Variants in KIF16B observed in about 807,000 individuals in gnomAD.
The protein encoded by KIF16B is kinesin family member 16B, also known as kinesin-like protein KIF16B.
Under a neutral mutation model 156.3 loss-of-function variants are expected in KIF16B, and 98 were observed. The observed-to-expected ratio is 0.63, with a 90% CI of 0.53 to 0.74. The LOEUF is 0.74. KIF16B is among the 30% of genes least tolerant of loss of function. KIF16B has a pLI of 0.00. For synonymous variants in KIF16B, 564 were observed against 583.7 expected (o/e 0.97, Z 0.49); for missense variants, 1,421 against 1,606.5 (o/e 0.88, Z 1.97).
chr20:16,470,122 T>G (rs1264959320), intron 12 of KIF16B, among the ~76,000 whole-genome samples: 1 of 152,124 alleles, frequency 6.6e-6, no homozygotes, highest in Non-Finnish European at 1.5e-5. Context: ...CTATATGACA[T>G]TTTAGAAAAG....
Position 16,312,335 on chromosome 20 carries a change from C to G in KIF16B, c.3795G>C (p.Glu1265Asp), listed in dbSNP as rs935129234. 4 of 1,610,538 alleles carry G rather than the reference C, an allele frequency of 2.5e-6. No homozygotes were observed. In the African/African-American group the frequency reaches 5.3e-5, roughly 22 times the overall value. The change falls in exon 25 of 26, where the codon GAG becomes GAC. Residue 1265 changes from glutamate to aspartate, a missense_variant and splice_region_variant. Glu to Asp is a conservative substitution (Grantham distance 45, BLOSUM62 2). Transcript: ENST00000354981. Reference protein sequence around the residue: ...RVIAERRSHLEKYLRDFFSVM... With the variant: ...RVIAERRSHLDKYLRDFFSVM... ...AGGAAAAACAGCTTAATTCTGTTAC[C>G]TCTAAGTGACTTCGTCTCTCAGCAA...
chr20:16,430,672 T>C (rs2066472990), intron 12 of KIF16B, among the ~76,000 whole-genome samples: 1 of 152,068 alleles, frequency 6.6e-6, no homozygotes, highest in African/African-American at 2.4e-5. Flanking sequence ...TGAAGGTTAT[T>C]GTCTTTGGGA....
rs754670883 is a variant in KIF16B, at chr20:16,506,144, T to C, written c.746A>G (p.His249Arg). The stretch of plus-strand genomic sequence containing the variant: ...CTCACTTCCGGCAAGATCAACCAAG[T>C]GGATCTTACTGACGGTTTCACATGG... ...EMPCETVSKI[H>R]LVDLAGSERA... is the part of the protein sequence containing the mutation. Residue 249 changes from histidine to arginine, a missense_variant, in exon 8 of 26, where the codon CAC (histidine) becomes CGC (arginine). Coordinates refer to ENST00000354981, the MANE Select transcript of KIF16B (RefSeq NM_024704.5). 3.7e-6 allele frequency: 6 copies of C among 1,614,012 alleles called. No homozygotes were observed. Among genetic ancestry groups the C allele is most frequent in the African/African-American group, 1.3e-5 (1 of 74,918 alleles).
intron 12 of KIF16B, among the ~76,000 whole-genome samples, chr20:16,461,691 C>T (rs577499891): frequency 6.6e-6 from 1 of 152,232 alleles, no homozygotes; most frequent in South Asian, 2.1e-4. Context: ...CCCAATTTAA[C>T]ACTTGGAAAT....
chr20:16,444,441 G>A (rs1241504747), intron 12 of KIF16B, among the ~76,000 whole-genome samples: 1 of 151,670 alleles, frequency 6.6e-6, no homozygotes, highest in Admixed American at 6.6e-5. Flanking sequence ...CAATTTCAAT[G>A]CCCATAAAGC....
chr20:16,425,033 C>T (rs2066317804), intron 15 of KIF16B, among the ~76,000 whole-genome samples: 1 of 152,080 alleles, frequency 6.6e-6, no homozygotes, highest in Non-Finnish European at 1.5e-5. Context: ...TACACAAACA[C>T]ACACACGTTT....
chr20:16,434,369 T>A (rs1211347141), intron 12 of KIF16B, among the ~76,000 whole-genome samples: 2 of 152,230 alleles, frequency 1.3e-5, no homozygotes, highest in African/African-American at 4.8e-5. Flanking sequence ...TAATGGTTTA[T>A]GAGAGTAAGC....
intron 15 of KIF16B, among the ~76,000 whole-genome samples, chr20:16,408,482 T>A (rs2065841513): frequency 6.6e-6 from 1 of 152,180 alleles, no homozygotes; most frequent in Admixed American, 6.5e-5. Context: ...TATGTATATT[T>A]AATGCTGTTA....
intron 3 of KIF16B, among the ~76,000 whole-genome samples, chr20:16,519,729 TG>T (rs533486206): frequency 3.4e-4 from 52 of 152,346 alleles, no homozygotes; most frequent in African/African-American, 1.3e-3. Context: ...GCTGGCAAGA[TG>T]GCCAAATAGG....
intron 3 of KIF16B, among the ~76,000 whole-genome samples, chr20:16,519,816 C>T (rs6044058): frequency 0.24 from 36,280 of 152,090 alleles, 4,960 homozygotes; most frequent in East Asian, 0.36. Flanking sequence ...TTGAAGTACC[C>T]GGCTGGCTCA....
At chr20:16,528,022 G>A (rs1775409897) in intron 2 of KIF16B, among the ~76,000 whole-genome samples, 1 of 151,912 alleles carries the variant, frequency 6.6e-6, no homozygotes, top group African/African-American at 2.4e-5. Context: ...AAATATAGGG[G>A]CAAAGCTTAT....
At chr20:16,329,404 T>C (rs1035762179) in intron 24 of KIF16B, among the ~76,000 whole-genome samples, 3 of 152,214 alleles carry the variant, frequency 2.0e-5, no homozygotes, top group African/African-American at 7.2e-5. Flanking sequence ...GTAACTTGAT[T>C]GATATTTAAA....
At chr20:16,502,941 G>A (rs138601291) in intron 10 of KIF16B, among the ~76,000 whole-genome samples, 1,545 of 152,272 alleles carry the variant, frequency 0.01, 38 homozygotes, top group African/African-American at 0.035. Context: ...CAGGCTGGGC[G>A]CGGTGGCTCA....
intron 17 of KIF16B, among the ~76,000 whole-genome samples, chr20:16,397,299 T>C (rs551861056): frequency 3.3e-5 from 5 of 152,232 alleles, no homozygotes; most frequent in Non-Finnish European, 7.3e-5. Flanking sequence ...CAGGCTTCTC[T>C]GCCTAATCCA....
intron 12 of KIF16B, among the ~76,000 whole-genome samples, chr20:16,466,736 C>T (rs1350659092): frequency 6.6e-6 from 1 of 151,592 alleles, no homozygotes; most frequent in Non-Finnish European, 1.5e-5. Context: ...TACAGGTGGA[C>T]ACAGAGAATC....
Position 16,379,584 on chromosome 20 carries a change from C to A in KIF16B, c.2418G>T (p.Glu806Asp). 6.2e-7 allele frequency: 1 copy of A among 1,614,118 alleles called. No homozygotes were observed. The highest frequency in any genetic ancestry group is 8.5e-7 in the Non-Finnish European group (1 of 1,180,034). ...CATCTTCATCCCCTCCGGCACGAGC[C>A]TCCTTCACCCGCAGGAGGGATTCCC... is the stretch of plus-strand genomic sequence containing the variant. The part of the protein sequence containing the change: ...GIRESLLRVK[E>D]ARAGGDEDGE... The change falls in exon 19 of 26, where the codon GAG becomes GAT. Residue 806 changes from glutamate (E) to aspartate (D), a missense_variant. By Grantham distance (45) the Glu-to-Asp change is conservative. Coordinates refer to ENST00000354981, the MANE Select transcript of KIF16B (RefSeq NM_024704.5).
intron 12 of KIF16B, among the ~76,000 whole-genome samples, chr20:16,432,481 A>C (rs1287096690): frequency 6.6e-6 from 1 of 152,164 alleles, no homozygotes; most frequent in Non-Finnish European, 1.5e-5. Flanking sequence ...TGGAACCAAT[A>C]AATGTACTCT....
chr20:16,281,057 T>C (rs1189808236), intron 25 of KIF16B, among the ~76,000 whole-genome samples: 1 of 152,222 alleles, frequency 6.6e-6, no homozygotes, highest in Non-Finnish European at 1.5e-5. Context: ...GCTTATTTCA[T>C]GTGCAATATA....
At chr20:16,404,266 C>T (rs917906243) in intron 17 of KIF16B, among the ~76,000 whole-genome samples, 11 of 152,144 alleles carry the variant, frequency 7.2e-5, no homozygotes, top group Non-Finnish European at 1.6e-4. Flanking sequence ...TTCATTATCA[C>T]TGTCATTTTA....
Sources: gnomAD v4.1 joint callset for allele counts (sites outside exome capture counted in the v4.1 genomes callset) on GRCh38, gnomAD v4.1.1 for gene constraint, MANE v1.5 for transcripts, NCBI Gene and HGNC (gene_info 2026-07-23, HGNC 2026-07-21) for gene names.